Variants in KIF6 observed in about 807,000 individuals in gnomAD.
KIF6 encodes kinesin family member 6.
In KIF6, 106 loss-of-function variants were observed where a neutral mutation model predicts 112.7. The observed-to-expected ratio is 0.94, with a 90% CI of 0.80 to 1.11. The LOEUF is 1.11. KIF6 is among the 50% of genes least tolerant of loss of function. The probability of loss-of-function intolerance (pLI) is 0.00; values close to 1 mark genes in which losing one functional copy is unlikely to be tolerated. For missense variants in KIF6, 929 were observed against 964.0 expected, an observed-to-expected ratio of 0.96 and a Z score of 0.48; for synonymous variants, 339 against 339.9, an observed-to-expected ratio of 1.00 and a Z score of 0.03.
chr6:39,590,645 T>C (rs893012405), intron 7 of KIF6, among the ~76,000 whole-genome samples: 1 of 151,854 alleles, frequency 6.6e-6, no homozygotes, highest in African/African-American at 2.4e-5. Flanking sequence ...GAGATGGAGT[T>C]TCACCATGTT....
chr6:39,430,745 G>GT (rs1399772269), intron 14 of KIF6, among the ~76,000 whole-genome samples: 1 of 152,206 alleles, frequency 6.6e-6, no homozygotes. Context: ...CTTTGCAACA[G>GT]TAAGACATGG....
At chr6:39,557,956 C>T (rs1252339108) in intron 10 of KIF6, among the ~76,000 whole-genome samples, 1 of 148,538 alleles carries the variant, frequency 6.7e-6, no homozygotes, top group Non-Finnish European at 1.5e-5. Flanking sequence ...TTTTTTTTTG[C>T]CCGTTATCAC....
intron 13 of KIF6, among the ~76,000 whole-genome samples, chr6:39,443,927 G>C (rs1772137013): frequency 6.6e-6 from 1 of 152,150 alleles, no homozygotes; most frequent in Admixed American, 6.5e-5. Flanking sequence ...AAAGGAAGGG[G>C]AAATTTAATT....
intron 3 of KIF6, among the ~76,000 whole-genome samples, chr6:39,683,101 AG>A (rs1275792199): frequency 2.0e-5 from 3 of 152,244 alleles, no homozygotes; most frequent in African/African-American, 7.2e-5. Context: ...GCCAGATGGC[AG>A]GGTTTTACAA....
chr6:39,456,256 T>C (rs1057264881), intron 13 of KIF6, among the ~76,000 whole-genome samples: 1 of 82,974 alleles, frequency 1.2e-5, no homozygotes, highest in Non-Finnish European at 2.3e-5. Flanking sequence ...CAGAATTTCA[T>C]ATCCAGCCAA....
chr6:39,588,265 G>A (rs1354142827), intron 7 of KIF6, among the ~76,000 whole-genome samples: 2 of 152,114 alleles, frequency 1.3e-5, no homozygotes, highest in Non-Finnish European at 2.9e-5. Context: ...TAATGCTGAA[G>A]TGTGGTGGCA....
At chr6:39,645,756 G>A (rs1275731711) in intron 3 of KIF6, among the ~76,000 whole-genome samples, 4 of 152,112 alleles carry the variant, frequency 2.6e-5, no homozygotes, top group Non-Finnish European at 5.9e-5. Flanking sequence ...TTAAGAAAAT[G>A]TGGCACATAT....
intron 13 of KIF6, among the ~76,000 whole-genome samples, chr6:39,472,782 A>G (rs1581930249): frequency 6.6e-6 from 1 of 152,160 alleles, no homozygotes; most frequent in East Asian, 1.9e-4. Context: ...TCTCTGACAC[A>G]TCACCACACA....
chr6:39,420,458 G>A (rs1273259198), intron 14 of KIF6, among the ~76,000 whole-genome samples: 1 of 152,182 alleles, frequency 6.6e-6, no homozygotes, highest in African/African-American at 2.4e-5. Flanking sequence ...GCCTGTTTCT[G>A]TAAATAAAGT....
intron 13 of KIF6, among the ~76,000 whole-genome samples, chr6:39,451,575 G>A (rs1772703992): frequency 6.6e-6 from 1 of 152,134 alleles, no homozygotes; most frequent in Non-Finnish European, 1.5e-5. Flanking sequence ...TGGTTTTCCT[G>A]CCTGCAGTGG....
chr6:39,436,016 C>T (rs925281709), intron 13 of KIF6, among the ~76,000 whole-genome samples: 3 of 152,110 alleles, frequency 2.0e-5, no homozygotes, highest in Admixed American at 1.3e-4. Context: ...CACATCTGTG[C>T]GAACATCTAT....
At chr6:39,556,259 A>G (rs1426319652) in intron 10 of KIF6, among the ~76,000 whole-genome samples, 1 of 152,240 alleles carries the variant, frequency 6.6e-6, no homozygotes, top group Non-Finnish European at 1.5e-5. Context: ...TCTATAATAA[A>G]TAAGAAACTG....
chr6:39,692,901 T>C (rs1788306151), intron 3 of KIF6, among the ~76,000 whole-genome samples: 2 of 152,190 alleles, frequency 1.3e-5, no homozygotes, highest in Admixed American at 1.3e-4. Context: ...AAAAGTCATA[T>C]AGCAATGCAC....
chr6:39,653,233 T>C (rs1458672188), intron 3 of KIF6, among the ~76,000 whole-genome samples: 1 of 152,096 alleles, frequency 6.6e-6, no homozygotes. Flanking sequence ...TTTTCATTAA[T>C]TACATAGCAC....
At chr6:39,619,250 T>A (rs953118236) in intron 5 of KIF6, among the ~76,000 whole-genome samples, 1 of 152,220 alleles carries the variant, frequency 6.6e-6, no homozygotes, top group Non-Finnish European at 1.5e-5. Context: ...TTCTTTTATT[T>A]CAAACTGGCA....
chr6:39,716,505 A>G (rs1449914154), intron 2 of KIF6, among the ~76,000 whole-genome samples: 2 of 152,212 alleles, frequency 1.3e-5, no homozygotes, highest in Non-Finnish European at 2.9e-5. Flanking sequence ...TTTATACAAT[A>G]TAGTTGCATA....
intron 16 of KIF6, among the ~76,000 whole-genome samples, chr6:39,382,010 G>A (rs1483342584): frequency 6.6e-6 from 1 of 152,164 alleles, no homozygotes; most frequent in Non-Finnish European, 1.5e-5. Flanking sequence ...TGCCCCAGCT[G>A]GAAGGACCAT....
chr6:39,568,100 G>A (rs73414694), intron 10 of KIF6, among the ~76,000 whole-genome samples: 5,676 of 152,298 alleles, frequency 0.037, 339 homozygotes, highest in African/African-American at 0.13. Context: ...AGGTTCTGGG[G>A]CAGGCACAGT....
intron 13 of KIF6, among the ~76,000 whole-genome samples, chr6:39,504,385 C>T (rs562392207): frequency 4.9e-4 from 74 of 152,260 alleles, no homozygotes; most frequent in Non-Finnish European, 8.7e-4. Context: ...GACCCACAGA[C>T]AATATCATGT....
Sources: allele counts gnomAD v4.1 joint callset (sites outside exome capture counted in the v4.1 genomes callset), GRCh38; gene constraint gnomAD v4.1.1; transcripts MANE v1.5; gene names NCBI Gene and HGNC (gene_info 2026-07-23, HGNC 2026-07-21).